The following SLC67A1 variants were observed in gnomAD, a reference collection of about 807,000 sequenced individuals.
The protein encoded by SLC67A1 is solute carrier family 67 member A1.
At chr11:2,921,949 G>A in the SLC67A1 span, 12 of 679,656 alleles carry the variant, frequency 1.8e-5, no homozygotes, top group South Asian at 3.4e-5. Flanking sequence ...GAGAGACCCC[G>A]GGGCTTGCAG....
the SLC67A1 span, among the ~76,000 whole-genome samples, chr11:2,910,802 G>A: frequency 6.6e-6 from 1 of 152,300 alleles, no homozygotes; most frequent in East Asian, 1.9e-4. Context: ...GGAGCCTGGC[G>A]CCTTGCGCAG....
the SLC67A1 span, chr11:2,918,911 T>A: frequency 6.2e-5 from 12 of 192,490 alleles, no homozygotes; most frequent in Admixed American, 2.5e-4. Context: ...TCCAGGCTGG[T>A]CTCAAACTCC....
the SLC67A1 span, chr11:2,908,317 C>T: frequency 6.2e-7 from 1 of 1,613,022 alleles, no homozygotes; most frequent in South Asian, 1.1e-5. Context: ...GCTGGGCGGG[C>T]CGGTATTTGG....
chr11:2,909,388 G>GCC, the SLC67A1 span: 1 of 1,504,476 alleles, frequency 6.6e-7, no homozygotes, highest in South Asian at 1.2e-5. Flanking sequence ...TCCAGGTGGG[G>GCC]CCGGGTCGGG....
At chr11:2,918,239 G>C in the SLC67A1 span, 1 of 660,732 alleles carries the variant, frequency 1.5e-6, no homozygotes, top group Non-Finnish European at 2.6e-6. Flanking sequence ...AGGCAGAAAA[G>C]TGTCTTTCCC....
chr11:2,914,521 C>A, the SLC67A1 span, among the ~76,000 whole-genome samples: 2 of 152,132 alleles, frequency 1.3e-5, no homozygotes, highest in African/African-American at 4.8e-5. Context: ...CCTGCGTCTC[C>A]CCCAGCAGCC....
the SLC67A1 span, chr11:2,902,552 C>T: frequency 9.1e-6 from 9 of 985,086 alleles, no homozygotes; most frequent in Non-Finnish European, 1.1e-5. Flanking sequence ...CAGGGGTCTC[C>T]CCGCCCTACC....
At chr11:2,905,660 A>G in the SLC67A1 span, among the ~76,000 whole-genome samples, 2 of 152,212 alleles carry the variant, frequency 1.3e-5, no homozygotes, top group Non-Finnish European at 2.9e-5. Context: ...TCTTTATAGT[A>G]TAGTCCCCTG....
chr11:2,919,431 TG>T, the SLC67A1 span: 6 of 1,557,108 alleles, frequency 3.9e-6, no homozygotes, highest in African/African-American at 1.4e-5. Context: ...CAGGGCCTGC[TG>T]GGGGGCACGG....
At chr11:2,925,002 C>T in the SLC67A1 span, 2 of 1,598,338 alleles carry the variant, frequency 1.3e-6, no homozygotes, top group Non-Finnish European at 8.5e-7. This position sits in a 1 kb window ranked among gnomAD's most constrained non-coding sequence, Gnocchi z 6.5. Flanking sequence ...CCCCCATGCA[C>T]CCCCCAGGGA....
At chr11:2,900,692 C>CA in the SLC67A1 span, among the ~76,000 whole-genome samples, 5,142 of 59,508 alleles carry the variant, frequency 0.086, 403 homozygotes, top group East Asian at 0.24. Flanking sequence ...GACTCCGTCT[C>CA]AAAAAAAAAA....
At chr11:2,921,290 A>C in the SLC67A1 span, 1 of 151,446 alleles carries the variant, frequency 6.6e-6, no homozygotes, top group Non-Finnish European at 1.5e-5. Context: ...AGCAAGTGTG[A>C]AAGTAAGATT....
the SLC67A1 span, chr11:2,918,014 C>T: frequency 6.2e-7 from 1 of 1,613,506 alleles, no homozygotes; most frequent in Non-Finnish European, 8.5e-7. Flanking sequence ...TGTGTTCGAC[C>T]TGAAGGCCAT....
At chr11:2,924,614 C>T in the SLC67A1 span, among the ~76,000 whole-genome samples, 1 of 152,194 alleles carries the variant, frequency 6.6e-6, no homozygotes, top group African/African-American at 2.4e-5. This position sits in a 1 kb window ranked among gnomAD's most constrained non-coding sequence, Gnocchi z 8.6. Context: ...CTTGGCAGGC[C>T]TGGCAGGGCG....
At chr11:2,915,210 G>A in the SLC67A1 span, 10 of 985,316 alleles carry the variant, frequency 1.0e-5, no homozygotes, top group Non-Finnish European at 1.1e-5. Flanking sequence ...GACTGTCCTA[G>A]TCAGTGTGGC....
chr11:2,907,780 C>A, the SLC67A1 span, among the ~76,000 whole-genome samples: 2 of 152,154 alleles, frequency 1.3e-5, no homozygotes, highest in Non-Finnish European at 2.9e-5. The surrounding 1 kb of genome is among the most constrained non-coding windows in gnomAD (Gnocchi z 6.7). Context: ...CCTACTCCTC[C>A]GGAGGGGCTG....
chr11:2,919,773 G>A, the SLC67A1 span: 1 of 257,358 alleles, frequency 3.9e-6, no homozygotes, highest in Non-Finnish European at 7.5e-6. Context: ...ACGTGGCAAA[G>A]TGGTTAGACC....
At chr11:2,921,923 C>G in the SLC67A1 span, 1 of 639,066 alleles carries the variant, frequency 1.6e-6, no homozygotes, top group South Asian at 1.8e-5. Context: ...GACGCAGTCA[C>G]TGCTGGCGGA....
the SLC67A1 span, among the ~76,000 whole-genome samples, chr11:2,912,193 G>A: frequency 6.6e-6 from 1 of 152,224 alleles, no homozygotes; most frequent in Non-Finnish European, 1.5e-5. Flanking sequence ...AGTGGTGGTG[G>A]CACAGGAGGG....
Sources: gnomAD v4.1 joint callset for allele counts (sites outside exome capture counted in the v4.1 genomes callset) on GRCh38, gnomAD v4.1.1 for gene constraint, Gnocchi (gnomAD v3.1) non-coding constraint, MANE v1.5 for transcripts, NCBI Gene and HGNC (gene_info 2026-07-23, HGNC 2026-07-21) for gene names.